The following PNPT1 variants were observed in gnomAD, a reference collection of about 807,000 sequenced individuals.
The protein encoded by PNPT1 is polyribonucleotide nucleotidyltransferase 1.
In PNPT1, 53 loss-of-function variants were observed where a neutral mutation model predicts 119.5. The observed-to-expected ratio is 0.44, with a 90% confidence interval of 0.36 to 0.56. The LOEUF (loss-of-function observed/expected upper bound fraction) is 0.56, where lower values mean the gene tolerates loss of function less well. PNPT1 is among the 20% of genes least tolerant of loss of function. The pLI is 0.00. For synonymous variants in PNPT1, 357 were observed against 322.1 expected, an observed-to-expected ratio of 1.11 and a Z score of -1.16; for missense variants, 948 against 938.5, an observed-to-expected ratio of 1.01 and a Z score of -0.13.
At chr2:55,668,991 T>C (rs1696824566) in intron 11 of PNPT1, among the ~76,000 whole-genome samples, 1 of 152,150 alleles carries the variant, frequency 6.6e-6, no homozygotes, top group Non-Finnish European at 1.5e-5. Flanking sequence ...ATATTAGAAA[T>C]CCCTACAAAC....
intron 9 of PNPT1, 56 bp from the exon 10 acceptor site, chr2:55,672,102 T>C: frequency 7.7e-7 from 1 of 1,299,794 alleles, no homozygotes; most frequent in Non-Finnish European, 1.1e-6. Flanking sequence ...AAGAGGCAGT[T>C]TCTATTATAA....
chr2:55,639,286 A>C (rs960541703), intron 26 of PNPT1, among the ~76,000 whole-genome samples: 2 of 152,106 alleles, frequency 1.3e-5, no homozygotes, highest in African/African-American at 4.8e-5. Context: ...CAAAATAATA[A>C]GGTGAAAAAA....
At chr2:55,641,007 C>T (rs937229638) in intron 25 of PNPT1, among the ~76,000 whole-genome samples, 3 of 151,996 alleles carry the variant, frequency 2.0e-5, no homozygotes, top group East Asian at 1.9e-4. Context: ...GAGCAGATCA[C>T]GAGGTCAAGA....
intron 22 of PNPT1, 93 bp downstream of exon 22, chr2:55,645,256 C>T: frequency 1.3e-6 from 1 of 763,258 alleles, no homozygotes; most frequent in Non-Finnish European, 2.2e-6. Context: ...GATCTCCTGA[C>T]CTTGTGATCC....
chr2:55,672,999 G>C lies in PNPT1; in HGVS notation c.760C>G (p.Gln254Glu), dbSNP rs778100619. ...AIKVGVKYTQQIIQGIQQLVK... is the reference protein window; with the variant it reads ...AIKVGVKYTQEIIQGIQQLVK... ...AACTGCTGAATGCCCTGAATTATTT[G>C]TTGGGTATATTTCACTCCCACTTTG... is the stretch of plus-strand genomic sequence containing the variant. Residue 254 changes from glutamine (Q) to glutamate (E), a missense_variant, in exon 9 of 28, where the codon CAA (glutamine) becomes GAA (glutamate). Transcript: ENST00000447944. The C allele has an allele frequency of 6.2e-7, 1 of 1,613,132 alleles. No individual in the cohort carries two copies. Among genetic ancestry groups the C allele is most frequent in the Non-Finnish European group, 8.5e-7 (1 of 1,179,792 alleles).
rs1046368917 is a variant in PNPT1 at position 55,635,499 on chromosome 2, G to C, written c.*738C>G. 6.6e-6 allele frequency: 1 copy of C among 152,230 alleles called. No homozygotes were observed. Among genetic ancestry groups the C allele is most frequent in the African/African-American group, 2.4e-5 (1 of 41,446 alleles). The allele number at this position is 152,230 out of a possible 1,614,324, so 9.4% of individuals were successfully genotyped here. On this transcript the variant is annotated 3_prime_UTR_variant, in exon 28 of 28. Transcript: ENST00000447944. ...CCGGCTAATTTTTGCACTTTTAGTA[G>C]AGACGGGGTTTCACCGTGTTAGCCA... is the stretch of plus-strand genomic sequence containing the variant.
At chr2:55,688,738 A>C (rs1470851580) in intron 1 of PNPT1, among the ~76,000 whole-genome samples, 8 of 151,906 alleles carry the variant, frequency 5.3e-5, no homozygotes, top group Admixed American at 3.9e-4. Flanking sequence ...AACAAAACAA[A>C]ACAAAACAAC....
chr2:55,691,390 T>TA, intron 1 of PNPT1, among the ~76,000 whole-genome samples: 1 of 152,298 alleles, frequency 6.6e-6, no homozygotes, highest in Non-Finnish European at 1.5e-5. Context: ...TGATAACAAA[T>TA]ATAATGTGCC....
rs1217666538 is a variant in PNPT1 at position 55,635,963 on chromosome 2, G to C, written c.*274C>G. 2 of 175,604 alleles carry C rather than the reference G, an allele frequency of 1.1e-5. No homozygotes were observed. The highest frequency in any genetic ancestry group is 2.5e-5 in the African/African-American group (1 of 39,844). The allele number at this position is 175,604 out of a possible 1,614,324, so 10.9% of individuals were successfully genotyped here. A position where few individuals can be genotyped will look rare whatever the true frequency, so the allele number is the denominator to read the frequency against. On this transcript the variant is annotated 3_prime_UTR_variant, in exon 28 of 28. Coordinates refer to ENST00000447944, the MANE Select transcript of PNPT1 (RefSeq NM_033109.5). ...TAAGTTTTTCATATATTTCAGAATT[G>C]TAAAAACAAAACTATGTAATTTTTT...
intron 23 of PNPT1, 25 bp from the exon 24 acceptor site, chr2:55,643,450 T>A (rs780673650): frequency 2.5e-6 from 4 of 1,602,632 alleles, no homozygotes; most frequent in Non-Finnish European, 2.6e-6. Flanking sequence ...ATGTAACATA[T>A]TAAAGTTAAC....
In PNPT1 at chr2:55,680,950, G is replaced by A. The variant is rs747616218; in HGVS notation, c.454-32C>T. On this transcript the variant is annotated intron_variant, in intron 5 of 27. Coordinates refer to ENST00000447944, the MANE Select transcript of PNPT1 (RefSeq NM_033109.5). ...AAAGGGAAAAAATTTGATTTGGAAG[G>A]GTTATCATTTAGGTTAACATCCTGA... 3 of 1,574,460 alleles carry A rather than the reference G, an allele frequency of 1.9e-6. No homozygotes were observed. In the Admixed American group the frequency reaches 5.1e-5, roughly 27 times the overall value.
In PNPT1 at chr2:55,645,161, C is replaced by T. The variant is rs1276693957; in HGVS notation, c.1822+188G>A. ...GCCTCAGCCTCCCGAGTAGCTGGGA[C>T]TACAGGCGCCCGCCACCACGCCCGG... On this transcript the variant is annotated intron_variant, in intron 22 of 27. Coordinates refer to ENST00000447944, the MANE Select transcript of PNPT1 (RefSeq NM_033109.5). 6 of 397,292 alleles carry T rather than the reference C, an allele frequency of 1.5e-5. No homozygotes were observed. In the Admixed American group the frequency reaches 2.2e-4, roughly 15 times the overall value. The allele number at this position is 397,292 out of a possible 1,614,324, so 24.6% of individuals were successfully genotyped here.
chr2:55,686,742 T>C (rs535453868), intron 2 of PNPT1, among the ~76,000 whole-genome samples: 59 of 152,306 alleles, frequency 3.9e-4, no homozygotes, highest in Non-Finnish European at 6.9e-4. Context: ...ATTATTACTA[T>C]AGAAGAAAAT....
intron 18 of PNPT1, among the ~76,000 whole-genome samples, chr2:55,650,934 G>A (rs1473105456): frequency 4.0e-5 from 6 of 149,176 alleles, no homozygotes; most frequent in South Asian, 2.1e-4. Context: ...CGCCCCGTCC[G>A]GGAGGGAGGT....
intron 18 of PNPT1, among the ~76,000 whole-genome samples, chr2:55,650,644 A>G (rs1696147975): frequency 7.8e-6 from 1 of 127,432 alleles, no homozygotes; most frequent in Admixed American, 7.9e-5. Flanking sequence ...CCGGCCGCCC[A>G]TCGTCTGAGA....
chr2:55,656,487 T>TA, intron 15 of PNPT1, 116 bp from the exon 16 acceptor site: 1 of 930,762 alleles, frequency 1.1e-6, no homozygotes, highest in Non-Finnish European at 1.6e-6. Flanking sequence ...TTTTGTTTTT[T>TA]AAAAAAGTAC....
At chr2:55,653,977 G>A (rs905848543) in intron 18 of PNPT1, among the ~76,000 whole-genome samples, 5 of 152,110 alleles carry the variant, frequency 3.3e-5, no homozygotes, top group South Asian at 4.1e-4. Context: ...ATCTCCTAGC[G>A]GCCAGGTGTG....
At chr2:55,687,213 C>CAAAAAA (rs777676691) in intron 2 of PNPT1, among the ~76,000 whole-genome samples, 1 of 93,972 alleles carries the variant, frequency 1.1e-5, no homozygotes, top group African/African-American at 4.3e-5. Flanking sequence ...GACTCCATCT[C>CAAAAAA]AAAAAAAAAA....
intron 15 of PNPT1, among the ~76,000 whole-genome samples, chr2:55,657,765 T>C (rs1382679697): frequency 6.8e-6 from 1 of 147,898 alleles, no homozygotes; most frequent in African/African-American, 2.5e-5. Context: ...GGGAGGAACA[T>C]GTTGAATTGC....
Sources: allele counts gnomAD v4.1 joint callset (sites outside exome capture counted in the v4.1 genomes callset), GRCh38; gene constraint gnomAD v4.1.1; transcripts MANE v1.5; gene names NCBI Gene and HGNC (gene_info 2026-07-23, HGNC 2026-07-21).